Variants in RBPMS observed in about 807,000 individuals in gnomAD.
RBPMS encodes RNA binding protein, mRNA processing factor.
RBPMS carries 7 observed loss-of-function variants against 26.8 expected under a neutral mutation model. The ratio of observed to expected loss-of-function variants is 0.26; its 90% CI spans 0.15 to 0.49. The LOEUF (loss-of-function observed/expected upper bound fraction) is 0.49. Ranked by LOEUF, RBPMS falls within the 20% of genes least tolerant of loss-of-function variation. RBPMS has a pLI of 0.98. For missense variants in RBPMS, 186 were observed against 250.0 expected (o/e 0.74, Z 1.73); for synonymous variants, 96 against 93.3 (o/e 1.03, Z -0.17).
At chr8:30,488,853 T>C (rs1819072249) in intron 4 of RBPMS, among the ~76,000 whole-genome samples, 1 of 152,174 alleles carries the variant, frequency 6.6e-6, no homozygotes, top group Non-Finnish European at 1.5e-5. Context: ...AAGAGAACAA[T>C]GGAAGTATGT....
At chr8:30,479,533 C>T (rs1164949330) in intron 4 of RBPMS, among the ~76,000 whole-genome samples, 156 bp downstream of exon 4, 1 of 152,096 alleles carries the variant, frequency 6.6e-6, no homozygotes, top group East Asian at 1.9e-4. Flanking sequence ...GAGCTTTTTC[C>T]AAGAATTGTG....
intron 1 of RBPMS, among the ~76,000 whole-genome samples, chr8:30,466,823 G>A (rs1467700964): frequency 6.6e-6 from 1 of 152,004 alleles, no homozygotes; most frequent in Non-Finnish European, 1.5e-5. Flanking sequence ...CCCATTTCCT[G>A]ACGTCAGGTG....
At chr8:30,518,858 G>A (rs1435254088) in intron 5 of RBPMS, among the ~76,000 whole-genome samples, 3 of 151,622 alleles carry the variant, frequency 2.0e-5, no homozygotes, top group Non-Finnish European at 2.9e-5. Flanking sequence ...GGAGCAGAGA[G>A]TAAGTGGAAT....
rs530402972 is a variant in RBPMS, at chr8:30,434,690, C to T, written c.67-40089C>T. ...CTGCACTCCAGCCTGGGAGACAGAGCGAGACTCTGCCTCGAAAAAAAAAAA... is the reference window on the plus strand; with the variant it reads ...CTGCACTCCAGCCTGGGAGACAGAGTGAGACTCTGCCTCGAAAAAAAAAAA... On this transcript the variant is annotated intron_variant, in intron 1 of 8. Coordinates refer to ENST00000397323, the MANE Select transcript of RBPMS (RefSeq NM_001008710.3). Among the ~76,000 whole-genome samples the T allele has an allele frequency of 5.7e-5, 8 of 140,530 alleles. No individual in the cohort carries two copies. In the South Asian group the frequency reaches 9.0e-4, roughly 16 times the overall value. 92.2% of individuals were successfully genotyped at this position (140,530 alleles called of 152,430 possible). A position where few individuals can be genotyped will look rare whatever the true frequency, so the allele number is the denominator to read the frequency against.
chr8:30,439,895 T>G (rs1812881610), intron 1 of RBPMS, among the ~76,000 whole-genome samples: 1 of 152,072 alleles, frequency 6.6e-6, no homozygotes, highest in Non-Finnish European at 1.5e-5. Context: ...AAAAAAAAAT[T>G]AAAGCCAGGT....
chr8:30,456,368 G>A (rs1311420803), intron 1 of RBPMS, among the ~76,000 whole-genome samples: 3 of 134,712 alleles, frequency 2.2e-5, no homozygotes, highest in African/African-American at 5.4e-5. Flanking sequence ...CACTCTGATG[G>A]TGTTGAGGGA....
chr8:30,515,761 TC>T (rs1374263546), intron 5 of RBPMS, among the ~76,000 whole-genome samples: 1 of 152,168 alleles, frequency 6.6e-6, no homozygotes, highest in Non-Finnish European at 1.5e-5. Context: ...GCTTAAGTGA[TC>T]CTCCTGCCTC....
chr8:30,555,874 C>A, intron 6 of RBPMS: 1 of 985,420 alleles, frequency 1.0e-6, no homozygotes, highest in Non-Finnish European at 1.2e-6. Context: ...TCCTCATTAC[C>A]CCCACACAGT....
At chr8:30,549,584 T>A in intron 6 of RBPMS, 1 of 1,613,252 alleles carries the variant, frequency 6.2e-7, no homozygotes, top group Non-Finnish European at 8.5e-7. Context: ...GTTTCCTGTT[T>A]GGTGAGGCTT....
At chr8:30,488,616 G>C (rs932041254) in intron 4 of RBPMS, among the ~76,000 whole-genome samples, 1 of 152,138 alleles carries the variant, frequency 6.6e-6, no homozygotes, top group Non-Finnish European at 1.5e-5. Context: ...GGAAAATGTT[G>C]ATTTTAACAA....
chr8:30,430,777 A>G (rs1400009852), intron 1 of RBPMS, among the ~76,000 whole-genome samples: 4 of 152,172 alleles, frequency 2.6e-5, no homozygotes, highest in Non-Finnish European at 4.4e-5. Flanking sequence ...CCTCATGTTC[A>G]TTTACTTAGA....
In RBPMS at chr8:30,566,284, T is replaced by C; in HGVS notation, c.*35T>C. On this transcript the variant is annotated 3_prime_UTR_variant, in exon 8 of 9. Coordinates refer to ENST00000397323, the MANE Select transcript of RBPMS (RefSeq NM_001008710.3). ...CCCAGGTGTGTGATGGCGGCTGCAA[T>C]CTGTCTTGTGGGTATTAATGCAATC... 1 of 985,974 alleles carries C rather than the reference T, an allele frequency of 1.0e-6. No homozygotes were observed. Among genetic ancestry groups the C allele is most frequent in the Non-Finnish European group, 1.2e-6 (1 of 830,034 alleles). The allele number at this position is 985,974 out of a possible 1,614,324, so 61.1% of individuals were successfully genotyped here. A position where few individuals can be genotyped will look rare whatever the true frequency, so the allele number is the denominator to read the frequency against.
chr8:30,466,517 G>T (rs998003767), intron 1 of RBPMS, among the ~76,000 whole-genome samples: 3 of 152,078 alleles, frequency 2.0e-5, no homozygotes, highest in Non-Finnish European at 4.4e-5. Flanking sequence ...CTGCACTCCA[G>T]CCTGACCAGA....
chr8:30,513,672 C>T (rs1309315021), intron 5 of RBPMS, among the ~76,000 whole-genome samples: 2 of 150,876 alleles, frequency 1.3e-5, no homozygotes, highest in East Asian at 1.9e-4. Context: ...CAAATAATTG[C>T]CCCAACTTTT....
intron 1 of RBPMS, among the ~76,000 whole-genome samples, chr8:30,471,978 T>C (rs183550624): frequency 3.3e-5 from 5 of 152,232 alleles, no homozygotes; most frequent in Admixed American, 2.6e-4. Context: ...ACATTTACCA[T>C]GTTCTGAAAC....
At chr8:30,414,699 GA>G (rs1563296190) in intron 1 of RBPMS, among the ~76,000 whole-genome samples, 1 of 152,086 alleles carries the variant, frequency 6.6e-6, no homozygotes, top group African/African-American at 2.4e-5. Flanking sequence ...TTCTTAAACA[GA>G]TTTTTTTTTC....
At chr8:30,395,506 G>A (rs1585336606) in intron 1 of RBPMS, among the ~76,000 whole-genome samples, 1 of 99,772 alleles carries the variant, frequency 1.0e-5, no homozygotes, top group African/African-American at 5.4e-5. Context: ...TGCATATCCA[G>A]ATGTAATCAA....
chr8:30,435,810 T>A (rs978012703), intron 1 of RBPMS, among the ~76,000 whole-genome samples: 5 of 152,018 alleles, frequency 3.3e-5, no homozygotes, highest in Admixed American at 2.6e-4. Context: ...GTTAGATAAT[T>A]ATTATTTTTT....
intron 1 of RBPMS, chr8:30,442,761 C>G (rs1813250442): frequency 6.6e-6 from 1 of 152,054 alleles, no homozygotes; most frequent in South Asian, 2.1e-4. Context: ...CTCCTGGGCC[C>G]GAACCGGCTG....
Sources: allele counts gnomAD v4.1 joint callset (sites outside exome capture counted in the v4.1 genomes callset), GRCh38; gene constraint gnomAD v4.1.1; transcripts MANE v1.5; gene names NCBI Gene and HGNC (gene_info 2026-07-23, HGNC 2026-07-21).